The following SOX5 variants were observed in gnomAD, a reference collection of about 807,000 sequenced individuals.
The protein encoded by SOX5 is SRY-box transcription factor 5.
SOX5 carries 9 observed loss-of-function variants against 92.0 expected under a neutral mutation model. The observed-to-expected ratio is 0.10, with a 90% CI of 0.06 to 0.17. SOX5 has a LOEUF of 0.17. Ranked by LOEUF, SOX5 falls within the 10% of genes least tolerant of loss-of-function variation. The pLI, the probability that SOX5 is intolerant of heterozygous loss-of-function variation, is 1.00. For missense variants in SOX5, 642 were observed against 944.5 expected, an observed-to-expected ratio of 0.68 and a Z score of 4.20; for synonymous variants, 344 against 336.3, an observed-to-expected ratio of 1.02 and a Z score of -0.25.
intron 9 of SOX5, among the ~76,000 whole-genome samples, chr12:23,578,144 A>AAAAAAAAAAAAAAAAG (rs1432589481): frequency 1.5e-5 from 2 of 134,908 alleles, no homozygotes; most frequent in Non-Finnish European, 1.6e-5. Context: ...AAAAAAAAAA[A>AAAAAAAAAAAAAAAAG]AAAAAACTAT....
At chr12:24,279,970 G>T (rs1008215225) in intron 2 of SOX5, among the ~76,000 whole-genome samples, 2 of 152,032 alleles carry the variant, frequency 1.3e-5, no homozygotes, top group South Asian at 2.1e-4. Context: ...GAAAGAAGGG[G>T]TTAATCATGC....
At chr12:24,246,660 A>T (rs2140117891) in intron 3 of SOX5, among the ~76,000 whole-genome samples, 1 of 152,204 alleles carries the variant, frequency 6.6e-6, no homozygotes, top group East Asian at 1.9e-4. Flanking sequence ...AAGAATTTTT[A>T]AAAATGTTTC....
At chr12:23,924,020 A>G (rs1939231011) in intron 1 of SOX5, among the ~76,000 whole-genome samples, 2 of 152,218 alleles carry the variant, frequency 1.3e-5, no homozygotes. Context: ...TCTACCACTC[A>G]AATGAAAAAC....
At chr12:23,898,913 A>G (rs957836004) in intron 1 of SOX5, among the ~76,000 whole-genome samples, 1 of 152,234 alleles carries the variant, frequency 6.6e-6, no homozygotes, top group Non-Finnish European at 1.5e-5. Flanking sequence ...TACTTCAATA[A>G]TAGGCTACTA....
intron 1 of SOX5, among the ~76,000 whole-genome samples, chr12:23,912,566 C>A (rs1160050702): frequency 1.3e-5 from 2 of 151,824 alleles, no homozygotes; most frequent in Non-Finnish European, 2.9e-5. Flanking sequence ...TTCATAATAG[C>A]GAAAAAGTGG....
chr12:23,794,927 A>AT (rs5797040), intron 3 of SOX5, among the ~76,000 whole-genome samples: 14 of 151,750 alleles, frequency 9.2e-5, no homozygotes, highest in African/African-American at 2.7e-4. Flanking sequence ...TTAGATTAGA[A>AT]TTTTTTTTAA....
Position 24,358,971 on chromosome 12 carries a change from C to T in SOX5, c.-174+9592G>A, listed in dbSNP as rs567450271. 4.6e-5 allele frequency among the ~76,000 whole-genome samples: 7 copies of T among 152,302 alleles called. No individual in the cohort carries two copies. The East Asian group carries it at 1.4e-3, about 29-fold the overall frequency. ...AGGAGGTATATATCTATCCCCACTT[C>T]TCAGATAAAGAAAGTGAGGCATCAA... On this transcript the variant is annotated intron_variant, in intron 2 of 4. Transcript: ENST00000446891.
intron 4 of SOX5, among the ~76,000 whole-genome samples, chr12:23,969,452 A>G (rs991670795): frequency 1.3e-5 from 2 of 152,170 alleles, no homozygotes; most frequent in Non-Finnish European, 2.9e-5. Context: ...AACCTTTAGT[A>G]TGGCCTACAC....
chr12:23,831,957 T>TACACGCACACACACACACACAC (rs367953254), intron 3 of SOX5, among the ~76,000 whole-genome samples: 2 of 142,732 alleles, frequency 1.4e-5, no homozygotes, highest in Middle Eastern at 3.3e-3. Flanking sequence ...AAAGGGGAAC[T>TACACGCACACACACACACACAC]ACACACACAC....
Position 24,066,901 on chromosome 12 carries a change from C to A in SOX5, c.-2+146442G>T, listed in dbSNP as rs183757841. Among the ~76,000 whole-genome samples the A allele has an allele frequency of 3.9e-5, 6 of 152,288 alleles. No individual in the cohort carries two copies. The East Asian group carries it at 1.2e-3, about 29-fold the overall frequency. ...TCACCTTTCACCTAAAAGTTGCCAT[C>A]TTTTCGAGAGAACTAACTCTACCAG... is the stretch of plus-strand genomic sequence containing the variant. On this transcript the variant is annotated intron_variant, in intron 4 of 4. Coordinates refer to the SOX5 transcript ENST00000446891.
chr12:24,547,438 G>T (rs983569618), intron 1 of SOX5, among the ~76,000 whole-genome samples: 2 of 151,986 alleles, frequency 1.3e-5, no homozygotes, highest in African/African-American at 4.8e-5. Flanking sequence ...TGATCCACCC[G>T]CCTCGGCCTC....
chr12:23,975,504 G>T (rs1948800974), intron 4 of SOX5, among the ~76,000 whole-genome samples: 1 of 151,938 alleles, frequency 6.6e-6, no homozygotes, highest in Non-Finnish European at 1.5e-5. Context: ...GGTCATTATT[G>T]TCCTACTACA....
intron 6 of SOX5, among the ~76,000 whole-genome samples, chr12:23,682,772 TA>T (rs1404508815): frequency 6.6e-6 from 1 of 151,746 alleles, no homozygotes; most frequent in East Asian, 1.9e-4. Context: ...CATACATGTA[TA>T]AAAATGTTTT....
At chr12:24,483,567 T>C (rs1946216708) in intron 1 of SOX5, among the ~76,000 whole-genome samples, 1 of 152,202 alleles carries the variant, frequency 6.6e-6, no homozygotes, top group Non-Finnish European at 1.5e-5. Context: ...CCTTTGTATT[T>C]AACGTTGCAT....
At chr12:24,189,560 C>T (rs768609174) in intron 4 of SOX5, among the ~76,000 whole-genome samples, 6 of 152,084 alleles carry the variant, frequency 3.9e-5, no homozygotes, top group African/African-American at 7.2e-5. Flanking sequence ...TCCTAACATC[C>T]AATTATTTCT....
chr12:24,266,054 G>C (rs186171319), intron 3 of SOX5, among the ~76,000 whole-genome samples: 1 of 149,696 alleles, frequency 6.7e-6, no homozygotes, highest in African/African-American at 2.5e-5. Flanking sequence ...GTGTGTGTGT[G>C]TGTGTGTGTG....
At chr12:23,639,177 G>A (rs544975433) in intron 8 of SOX5, among the ~76,000 whole-genome samples, 44 of 151,892 alleles carry the variant, frequency 2.9e-4, no homozygotes, top group African/African-American at 9.6e-4. Flanking sequence ...AATGTCTCAA[G>A]ATATTTAATA....
chr12:24,198,600 C>T (rs919475867), intron 4 of SOX5, among the ~76,000 whole-genome samples: 2 of 152,194 alleles, frequency 1.3e-5, no homozygotes, highest in African/African-American at 2.4e-5. Flanking sequence ...TAACCCTCTT[C>T]GTTCCACAGA....
intron 1 of SOX5, among the ~76,000 whole-genome samples, chr12:24,437,173 C>T (rs954594877): frequency 6.6e-5 from 10 of 151,000 alleles, no homozygotes; most frequent in African/African-American, 2.4e-4. Context: ...GTAATTTTGG[C>T]TTTCAAGTCT....
Sources: allele counts gnomAD v4.1 joint callset (sites outside exome capture counted in the v4.1 genomes callset), GRCh38; gene constraint gnomAD v4.1.1; transcripts MANE v1.5; gene names NCBI Gene and HGNC (gene_info 2026-07-23, HGNC 2026-07-21).